Variants in PTPRD observed in about 807,000 individuals in gnomAD.
PTPRD encodes protein tyrosine phosphatase receptor type D, also known as receptor-type tyrosine-protein phosphatase delta.
A neutral mutation model predicts 214.5 loss-of-function variants in PTPRD; 34 were observed. The observed-to-expected ratio is 0.16, with a 90% confidence interval of 0.12 to 0.21. The LOEUF (loss-of-function observed/expected upper bound fraction) is 0.21, where lower values mean the gene tolerates loss of function less well. PTPRD is among the 10% of genes least tolerant of loss of function. The pLI, the probability that PTPRD is intolerant of heterozygous loss-of-function variation, is 1.00. For missense variants in PTPRD, 2,545 were observed against 2,398.7 expected, an observed-to-expected ratio of 1.06 and a Z score of -1.27; for synonymous variants, 1,128 against 845.7, an observed-to-expected ratio of 1.33 and a Z score of -5.79.
intron 3 of PTPRD, among the ~76,000 whole-genome samples, chr9:10,074,566 A>T (rs1379578930): frequency 6.6e-6 from 1 of 152,140 alleles, no homozygotes. Flanking sequence ...AATAATGCAC[A>T]GACACATTCT....
intron 39 of PTPRD, among the ~76,000 whole-genome samples, chr9:8,347,355 T>A (rs2074139677): frequency 6.6e-6 from 1 of 152,140 alleles, no homozygotes; most frequent in Non-Finnish European, 1.5e-5. Context: ...CTCTGTCGCC[T>A]ACTATTCCAC....
At chr9:8,905,704 A>T (rs552233728) in intron 11 of PTPRD, among the ~76,000 whole-genome samples, 1 of 148,176 alleles carries the variant, frequency 6.7e-6, no homozygotes, top group East Asian at 2.0e-4. Context: ...ACGCCACTGC[A>T]TTCCAGCCTG....
At chr9:9,988,163 A>G (rs2095788305) in intron 4 of PTPRD, among the ~76,000 whole-genome samples, 1 of 152,308 alleles carries the variant, frequency 6.6e-6, no homozygotes, top group Middle Eastern at 3.4e-3. Context: ...AAACATAATG[A>G]TTAAATTCTG....
At chr9:8,786,399 G>GT (rs2095970301) in intron 11 of PTPRD, among the ~76,000 whole-genome samples, 2 of 131,386 alleles carry the variant, frequency 1.5e-5, no homozygotes, top group African/African-American at 5.7e-5. Context: ...AAAGTTTGGA[G>GT]TTCTTTTTTT....
In PTPRD at chr9:8,734,183, AT is replaced by A. The variant is rs575026171; in HGVS notation, c.-103-238del. Among the ~76,000 whole-genome samples the A allele has an allele frequency of 3.9e-5, 6 of 152,240 alleles. No homozygotes were observed. In the East Asian group the frequency reaches 1.2e-3, roughly 29 times the overall value. On this transcript the variant is annotated intron_variant, in intron 11 of 45. Transcript: ENST00000381196. ...TTACGTGGGAGCTCTCGCATTCCCA[AT>A]TTTAGGCTCTCCTAAAGCCAACCAC...
At chr9:9,125,937 G>T (rs1027040397) in intron 10 of PTPRD, among the ~76,000 whole-genome samples, 1 of 152,150 alleles carries the variant, frequency 6.6e-6, no homozygotes. Context: ...TGAACAGCAA[G>T]GGGTGAATGG....
At chr9:9,403,844 C>T (rs1381135993) in intron 8 of PTPRD, among the ~76,000 whole-genome samples, 1 of 151,878 alleles carries the variant, frequency 6.6e-6, no homozygotes, top group Non-Finnish European at 1.5e-5. Flanking sequence ...AAAGACCATA[C>T]ACAGCTAAAC....
intron 12 of PTPRD, among the ~76,000 whole-genome samples, chr9:8,657,031 C>T (rs558673498): frequency 2.6e-5 from 4 of 151,964 alleles, no homozygotes; most frequent in African/African-American, 2.4e-5. Context: ...ATCTGACTGG[C>T]GAGGGATGGT....
At chr9:10,291,199 A>G (rs985405449) in intron 3 of PTPRD, among the ~76,000 whole-genome samples, 2 of 151,988 alleles carry the variant, frequency 1.3e-5, no homozygotes, top group East Asian at 3.9e-4. Flanking sequence ...ACTGAACACT[A>G]GAGTCTCCCT....
At chr9:10,056,761 C>G (rs915103871) in intron 3 of PTPRD, among the ~76,000 whole-genome samples, 5 of 152,086 alleles carry the variant, frequency 3.3e-5, no homozygotes, top group African/African-American at 1.2e-4. Flanking sequence ...GCCACATTCT[C>G]CCTATGTATG....
chr9:9,507,043 T>C (rs569781135), intron 8 of PTPRD, among the ~76,000 whole-genome samples: 6 of 151,490 alleles, frequency 4.0e-5, no homozygotes, highest in Non-Finnish European at 7.4e-5. Context: ...AAACAATACA[T>C]ATATGAAACA....
intron 8 of PTPRD, among the ~76,000 whole-genome samples, chr9:9,492,808 T>C (rs1330625552): frequency 6.6e-6 from 1 of 151,706 alleles, no homozygotes; most frequent in East Asian, 1.9e-4. Context: ...GTGCTCACTT[T>C]TTGTTTCTGC....
rs138123634 is a variant in PTPRD, at chr9:8,719,058, C to G, written c.64+14722G>C. Among the ~76,000 whole-genome samples, 27 of 152,244 alleles carry G rather than the reference C, an allele frequency of 1.8e-4. No homozygotes were observed. The East Asian group carries it at 5.0e-3, about 28-fold the overall frequency. ...TCTCAGGCTTCGAGACCCATGATTA[C>G]AAACTGTTTCTTCACAGACCCCTTA... is the stretch of plus-strand genomic sequence containing the variant. On this transcript the variant is annotated intron_variant, in intron 12 of 45. Coordinates refer to ENST00000381196, the MANE Select transcript of PTPRD (RefSeq NM_002839.4).
At position 8,316,131 on chromosome 9, in the gene PTPRD, A is replaced by G. The variant is rs1465709053; in HGVS notation, c.*1743T>C. On this transcript the variant is annotated 3_prime_UTR_variant, in exon 46 of 46. Coordinates refer to ENST00000381196, the MANE Select transcript of PTPRD (RefSeq NM_002839.4). ...ATGTTGATGATTGATTATAAAAGGA[A>G]GAAGGGCCCTGATTATCCAAGTGCT... 4.4e-6 allele frequency: 1 copy of G among 229,072 alleles called. No homozygotes were observed. Among genetic ancestry groups the G allele is most frequent in the Non-Finnish European group, 8.7e-6 (1 of 115,288 alleles). 14.2% of individuals were successfully genotyped at this position (229,072 alleles called of 1,614,324 possible).
At chr9:9,691,425 T>C (rs890659339) in intron 7 of PTPRD, among the ~76,000 whole-genome samples, 1 of 152,076 alleles carries the variant, frequency 6.6e-6, no homozygotes, top group Non-Finnish European at 1.5e-5. Context: ...CTTAACATGA[T>C]GACCTCCAGT....
intron 4 of PTPRD, among the ~76,000 whole-genome samples, chr9:9,969,874 G>A (rs1345485747): frequency 6.6e-6 from 1 of 152,150 alleles, no homozygotes; most frequent in South Asian, 2.1e-4. Context: ...TGGGGAAGCA[G>A]GAACTTGTAT....
chr9:9,458,668 A>G (rs1016410710), intron 8 of PTPRD, among the ~76,000 whole-genome samples: 8 of 152,202 alleles, frequency 5.3e-5, no homozygotes, highest in Admixed American at 2.6e-4. Flanking sequence ...ATGACCAAGT[A>G]GAGTGGCTCA....
chr9:8,868,069 A>G (rs1012920696), intron 11 of PTPRD, among the ~76,000 whole-genome samples: 4 of 152,226 alleles, frequency 2.6e-5, no homozygotes, highest in African/African-American at 9.6e-5. Context: ...GCAAACCCGT[A>G]GAATGATGGT....
At chr9:9,789,786 AACTCTGT>A (rs1303773691) in intron 5 of PTPRD, among the ~76,000 whole-genome samples, 1 of 64,568 alleles carries the variant, frequency 1.5e-5, no homozygotes, top group African/African-American at 7.4e-5. Flanking sequence ...AACAGAGCCA[AACTCTGT>A]CTCAAAAAAA....
Sources: allele counts gnomAD v4.1 joint callset (sites outside exome capture counted in the v4.1 genomes callset), GRCh38; gene constraint gnomAD v4.1.1; transcripts MANE v1.5; gene names NCBI Gene and HGNC (gene_info 2026-07-23, HGNC 2026-07-21).